NXPE2: variants seen among roughly 807,000 people sequenced by gnomAD.
NXPE2 encodes neurexophilin and PC-esterase domain family member 2, also known as NXPE family member 2.
NXPE2 carries 34 observed loss-of-function variants against 34.4 expected under a neutral mutation model. That is an observed-to-expected ratio of 0.99 (90% CI 0.75 to 1.31). The LOEUF (loss-of-function observed/expected upper bound fraction) is 1.31, where lower values mean the gene tolerates loss of function less well. Ranked by LOEUF, NXPE2 falls within the 40% of genes most tolerant of loss-of-function variation. The pLI, the probability that NXPE2 is intolerant of heterozygous loss-of-function variation, is 0.00. For synonymous variants in NXPE2, 235 were observed against 231.3 expected (o/e 1.02, Z -0.15); for missense variants, 649 against 672.5 (o/e 0.97, Z 0.39).
At position 114,706,775 on chromosome 11, in the gene NXPE2, A is replaced by G. The variant is rs1446434155; in HGVS notation, c.1525A>G (p.Ile509Val). The G allele has an allele frequency of 6.4e-7, 1 of 1,552,418 alleles. No individual in the cohort carries two copies. Among genetic ancestry groups the G allele is most frequent in the Admixed American group, 2.0e-5 (1 of 51,012 alleles). The change falls in exon 6 of 6, where the codon ATT (isoleucine) becomes GTT (valine). Residue 509 changes from isoleucine to valine, a missense_variant. Coordinates refer to ENST00000389586, the MANE Select transcript of NXPE2 (RefSeq NM_182495.6). ...GATGTTCAGTGACTTTCATGGCTATATTCAGAATCTTATCATAAGAGATAT... is the reference window on the plus strand; with the variant it reads ...GATGTTCAGTGACTTTCATGGCTATGTTCAGAATCTTATCATAAGAGATAT... The part of the protein sequence containing the change: ...AEMFSDFHGY[I>V]QNLIIRDIFV...
chr11:114,472,157 C>T, the NXPE2 span, among the ~76,000 whole-genome samples: 9 of 152,220 alleles, frequency 5.9e-5, no homozygotes, highest in African/African-American at 9.6e-5. Flanking sequence ...AGGAGGCACA[C>T]GTTCCTCTGG....
the NXPE2 span, among the ~76,000 whole-genome samples, chr11:114,773,283 C>CA: frequency 3.8e-3 from 314 of 82,306 alleles, 4 homozygotes; most frequent in African/African-American, 0.012. Context: ...ACTCCCACCC[C>CA]CCCCCCACCC....
chr11:114,804,804 G>A, the NXPE2 span, among the ~76,000 whole-genome samples: 1 of 152,174 alleles, frequency 6.6e-6, no homozygotes, highest in African/African-American at 2.4e-5. Flanking sequence ...GACCTGAGAT[G>A]TGGCTGGAGG....
At chr11:114,722,893 A>G in the NXPE2 span, among the ~76,000 whole-genome samples, 4 of 152,220 alleles carry the variant, frequency 2.6e-5, no homozygotes, top group Admixed American at 6.5e-5. Context: ...AAATGACAGA[A>G]GCACGTGCTA....
chr11:114,480,698 G>C, the NXPE2 span, among the ~76,000 whole-genome samples: 2 of 152,126 alleles, frequency 1.3e-5, no homozygotes, highest in Admixed American at 6.5e-5. Flanking sequence ...TTAATACAGC[G>C]ACCGTTGGTT....
chr11:114,665,602 A>T, the NXPE2 span, among the ~76,000 whole-genome samples: 2 of 152,336 alleles, frequency 1.3e-5, no homozygotes, highest in South Asian at 4.1e-4. Flanking sequence ...TTAGTAGGAC[A>T]GGACAGCAAG....
At chr11:114,525,307 A>G in the NXPE2 span, among the ~76,000 whole-genome samples, 2 of 152,162 alleles carry the variant, frequency 1.3e-5, no homozygotes, top group South Asian at 4.2e-4. Context: ...TTAGATAGGG[A>G]GACTAATAGT....
At chr11:114,643,972 C>A in the NXPE2 span, among the ~76,000 whole-genome samples, 2 of 152,026 alleles carry the variant, frequency 1.3e-5, no homozygotes, top group Non-Finnish European at 2.9e-5. Context: ...TTGAAGAGGT[C>A]CTTCATATCC....
At chr11:114,611,258 A>T in the NXPE2 span, among the ~76,000 whole-genome samples, 1 of 148,072 alleles carries the variant, frequency 6.8e-6, no homozygotes, top group Non-Finnish European at 1.5e-5. Context: ...TATTGCTTCT[A>T]GGGTAACCAC....
the NXPE2 span, among the ~76,000 whole-genome samples, chr11:114,575,423 A>C: frequency 3.9e-5 from 6 of 152,108 alleles, no homozygotes; most frequent in African/African-American, 1.4e-4. Context: ...TCATGATATG[A>C]TAGTATACCT....
the NXPE2 span, among the ~76,000 whole-genome samples, chr11:114,759,907 A>G: frequency 2.6e-5 from 4 of 152,192 alleles, no homozygotes; most frequent in South Asian, 2.1e-4. Context: ...TCTGTGGACA[A>G]AAGTATTTTT....
At chr11:114,482,894 T>C in the NXPE2 span, among the ~76,000 whole-genome samples, 3 of 152,086 alleles carry the variant, frequency 2.0e-5, no homozygotes, top group Non-Finnish European at 4.4e-5. Flanking sequence ...TTTCAGCCAA[T>C]TGTTAGTTGT....
chr11:114,703,893 G>C (rs1472843151), intron 3 of NXPE2, 98 bp from the exon 4 acceptor site: 1 of 832,798 alleles, frequency 1.2e-6, no homozygotes, highest in Non-Finnish European at 2.0e-6. Flanking sequence ...AGGGGGGAAA[G>C]GCATTTGGAG....
chr11:114,528,723 G>A, the NXPE2 span: 1 of 542,294 alleles, frequency 1.8e-6, no homozygotes. Context: ...GGCCATGAAA[G>A]TGGAGGAAGG....
the NXPE2 span, among the ~76,000 whole-genome samples, chr11:114,785,894 C>T: frequency 9.2e-5 from 14 of 152,196 alleles, no homozygotes; most frequent in East Asian, 2.5e-3. Flanking sequence ...TTCTTGGCCT[C>T]GACTCTTCAA....
In NXPE2 at chr11:114,706,637, A is replaced by G; in HGVS notation, c.1387A>G (p.Ile463Val). 6.4e-7 allele frequency: 1 copy of G among 1,551,898 alleles called. No homozygotes were observed. Among genetic ancestry groups the G allele is most frequent in the Non-Finnish European group, 8.7e-7 (1 of 1,147,012 alleles). Residue 463 changes from isoleucine (I) to valine (V), a missense_variant, in exon 6 of 6, where the codon ATC (isoleucine) becomes GTC (valine). Ile to Val is a conservative substitution (Grantham distance 29). Transcript: ENST00000389586. The part of the protein sequence containing the change: ...HFRPFPINIF[I>V]RRAINIQKAI... The stretch of plus-strand genomic sequence containing the variant: ...CAGACCCTTTCCCATCAACATTTTC[A>G]TCCGTAGGGCCATCAATATTCAAAA...
chr11:114,798,343 T>C, the NXPE2 span, among the ~76,000 whole-genome samples: 1 of 151,916 alleles, frequency 6.6e-6, no homozygotes. Context: ...CTTCATCTCT[T>C]TCTCTCTTTG....
chr11:114,562,047 C>G, the NXPE2 span, among the ~76,000 whole-genome samples: 1 of 152,166 alleles, frequency 6.6e-6, no homozygotes, highest in East Asian at 1.9e-4. Flanking sequence ...TAATTAAACA[C>G]ACTTATTCTA....
the NXPE2 span, among the ~76,000 whole-genome samples, chr11:114,739,373 TCACTCA>T: frequency 2.1e-4 from 7 of 32,856 alleles, no homozygotes; most frequent in Admixed American, 8.1e-4. Context: ...CCTCCCTCCC[TCACTCA>T]CTCCTTCCCT....
Sources: allele counts gnomAD v4.1 joint callset (sites outside exome capture counted in the v4.1 genomes callset), GRCh38; gene constraint gnomAD v4.1.1; transcripts MANE v1.5; gene names NCBI Gene and HGNC (gene_info 2026-07-23, HGNC 2026-07-21).